Variants in CENPS observed in about 807,000 individuals in gnomAD.
The protein encoded by CENPS is FANCM associated histone fold protein 1.
In CENPS, 16 loss-of-function variants were observed where a neutral mutation model predicts 17.9. That is an observed-to-expected ratio of 0.90 (90% CI 0.61 to 1.36). The LOEUF is 1.36. Among genes scored for constraint, CENPS ranks in the 40% most tolerant of loss-of-function variants. The probability of loss-of-function intolerance (pLI) is 0.00; values close to 1 mark genes in which losing one functional copy is unlikely to be tolerated. For missense variants in CENPS, 160 were observed against 158.6 expected, an observed-to-expected ratio of 1.01 and a Z score of -0.05; for synonymous variants, 49 against 55.8, an observed-to-expected ratio of 0.88 and a Z score of 0.54.
At chr1:10,436,380 C>T (rs1173443439) in intron 3 of CENPS, among the ~76,000 whole-genome samples, 1 of 151,584 alleles carries the variant, frequency 6.6e-6, no homozygotes, top group African/African-American at 2.4e-5. Context: ...ATAAGCTCCA[C>T]AAGGAAGGGC....
rs1308753865 is a variant in CENPS at position 10,433,911 on chromosome 1, C to T, written c.121C>T (p.Gln41Ter). The T allele has an allele frequency of 3.7e-6, 6 of 1,614,076 alleles. No homozygotes were observed. The African/African-American group carries it at 8.0e-5, about 22-fold the overall frequency. Residue 41 changes from glutamine to a stop codon, truncating the protein, a stop_gained, in exon 2 of 5, where the codon CAG becomes TAG. Coordinates refer to ENST00000309048, the MANE Select transcript of CENPS (RefSeq NM_199294.3). LOFTEE classifies it high-confidence loss of function. ...GGAAGTTGCATTGGACAAAGAGATG[C>T]AGTTCAGCAAACAGACCATTGCGGC... ...CEEVALDKEM[Q>*]FSKQTIAAIS...
chr1:10,431,138 C>T, intron 1 of CENPS: 5 of 1,431,442 alleles, frequency 3.5e-6, no homozygotes, highest in Middle Eastern at 2.6e-4. Context: ...TAAGAATAAT[C>T]ACTTGTCAGG....
chr1:10,442,046 C>T (rs942794137), intron 4 of CENPS, among the ~76,000 whole-genome samples: 9 of 151,836 alleles, frequency 5.9e-5, no homozygotes, highest in African/African-American at 2.2e-4. Context: ...GACCAGCCTG[C>T]CCACATAGTG....
chr1:10,437,132 T>G (rs1488047046), intron 3 of CENPS, among the ~76,000 whole-genome samples: 1 of 152,120 alleles, frequency 6.6e-6, no homozygotes, highest in Non-Finnish European at 1.5e-5. Context: ...ATTGTTTCAT[T>G]AGGACAAATT....
At chr1:10,438,230 C>T (rs758947141) in intron 3 of CENPS, among the ~76,000 whole-genome samples, 2 of 151,262 alleles carry the variant, frequency 1.3e-5, no homozygotes, top group Non-Finnish European at 2.9e-5. Context: ...CTGCAGTCTC[C>T]GTCTCCTGGG....
chr1:10,431,833 G>A (rs1165952847), intron 1 of CENPS, among the ~76,000 whole-genome samples: 1 of 92,756 alleles, frequency 1.1e-5, no homozygotes, highest in African/African-American at 6.2e-5. Context: ...CAGCCTGGGT[G>A]ACAGAGCGAG....
chr1:10,432,380 C>T (rs1317647196), intron 1 of CENPS, among the ~76,000 whole-genome samples: 1 of 152,196 alleles, frequency 6.6e-6, no homozygotes, highest in African/African-American at 2.4e-5. Flanking sequence ...CCACTGTGCC[C>T]GGCCTGTTCT....
chr1:10,431,383 G>C (rs1218335035), intron 1 of CENPS: 2 of 1,535,376 alleles, frequency 1.3e-6, no homozygotes, highest in East Asian at 4.9e-5. Context: ...CAAACCTTCA[G>C]AAAAGTTGCA....
intron 3 of CENPS, among the ~76,000 whole-genome samples, chr1:10,439,792 G>A (rs866907699): frequency 6.6e-5 from 10 of 152,136 alleles, no homozygotes; most frequent in Middle Eastern, 6.8e-3. Context: ...GGGTTATTGC[G>A]GAGGGAATGC....
Position 10,442,671 on chromosome 1 carries a change from A to G in CENPS, c.*266A>G. 2.7e-6 allele frequency: 1 copy of G among 363,716 alleles called. No individual in the cohort carries two copies. Among genetic ancestry groups the G allele is most frequent in the Non-Finnish European group, 4.5e-6 (1 of 223,736 alleles). The allele number at this position is 363,716 out of a possible 1,614,324, so 22.5% of individuals were successfully genotyped here. A position where few individuals can be genotyped will look rare whatever the true frequency, so the allele number is the denominator to read the frequency against. ...TGTGATCAAATGGTATATATTAGAA[A>G]TTACATCTGTTGTAATTAAAATTGT... is the stretch of plus-strand genomic sequence containing the variant. On this transcript the variant is annotated 3_prime_UTR_variant, in exon 5 of 5. Transcript: ENST00000309048.
At chr1:10,431,537 T>A in intron 1 of CENPS, 1 of 1,168,996 alleles carries the variant, frequency 8.6e-7, no homozygotes, top group Non-Finnish European at 1.2e-6. Flanking sequence ...CTTTACATTT[T>A]AATTCTTTAG....
chr1:10,436,739 A>AG (rs1640182680), intron 3 of CENPS, among the ~76,000 whole-genome samples: 3 of 151,036 alleles, frequency 2.0e-5, no homozygotes, highest in South Asian at 2.1e-4. Flanking sequence ...AAAGAAAAAA[A>AG]AAAGTTTGTG....
chr1:10,434,543 T>G, intron 2 of CENPS, 114 bp from the exon 3 acceptor site: 1 of 1,475,374 alleles, frequency 6.8e-7, no homozygotes, highest in Non-Finnish European at 9.1e-7. Flanking sequence ...TTAAGAGGGT[T>G]TGTTATATTA....
chr1:10,437,456 GTTTT>G (rs1484418939), intron 3 of CENPS, among the ~76,000 whole-genome samples: 1 of 97,548 alleles, frequency 1.0e-5, no homozygotes, highest in Non-Finnish European at 2.1e-5. Context: ...TTTTTTTTTT[GTTTT>G]TTGTTTTTTG....
intron 3 of CENPS, among the ~76,000 whole-genome samples, chr1:10,438,072 CAATT>C (rs954977748): frequency 2.6e-5 from 4 of 151,888 alleles, no homozygotes; most frequent in East Asian, 1.9e-4. Flanking sequence ...AGAGAATACA[CAATT>C]AAATTCTAAA....
At chr1:10,436,178 A>G (rs943311695) in intron 3 of CENPS, among the ~76,000 whole-genome samples, 18 of 151,034 alleles carry the variant, frequency 1.2e-4, no homozygotes, top group Admixed American at 1.1e-3. Flanking sequence ...GCGTTTCACC[A>G]TGTTGGCCAG....
chr1:10,440,135 G>A, intron 3 of CENPS: 1 of 611,486 alleles, frequency 1.6e-6, no homozygotes, highest in Non-Finnish European at 2.7e-6. Context: ...GAGGTGGAGA[G>A]ATGGGCCTCC....
intron 2 of CENPS, 98 bp from the exon 3 acceptor site, chr1:10,434,559 G>A (rs1382123196): frequency 6.5e-7 from 1 of 1,549,766 alleles, no homozygotes; most frequent in African/African-American, 1.4e-5. Flanking sequence ...TATTAGTCAA[G>A]TCACTGTACT....
intron 1 of CENPS, chr1:10,431,147 G>A: frequency 6.9e-7 from 1 of 1,443,890 alleles, no homozygotes; most frequent in African/African-American, 1.4e-5. Context: ...TCACTTGTCA[G>A]GGTAGCTGCG....
Sources: gnomAD v4.1 joint callset for allele counts (sites outside exome capture counted in the v4.1 genomes callset) on GRCh38, gnomAD v4.1.1 for gene constraint, MANE v1.5 for transcripts, NCBI Gene and HGNC (gene_info 2026-07-23, HGNC 2026-07-21) for gene names.